The following CPQ variants were observed in gnomAD, a reference collection of about 807,000 sequenced individuals.
The protein encoded by CPQ is carboxypeptidase Q.
Under a neutral mutation model 45.7 loss-of-function variants are expected in CPQ, and 37 were observed. That is an observed-to-expected ratio of 0.81 (90% CI 0.62 to 1.07). CPQ has a LOEUF of 1.07. Among genes scored for constraint, CPQ ranks in the 50% least tolerant of loss-of-function variants. The probability of loss-of-function intolerance (pLI) is 0.00; values close to 1 mark genes in which losing one functional copy is unlikely to be tolerated. For synonymous variants in CPQ, 186 were observed against 205.8 expected (o/e 0.90, Z 0.82); for missense variants, 537 against 572.9 (o/e 0.94, Z 0.64).
chr8:96,785,360 AT>A, intron 2 of CPQ, 30 bp downstream of exon 2: 2 of 1,523,008 alleles, frequency 1.3e-6, no homozygotes, highest in Non-Finnish European at 1.8e-6. Flanking sequence ...TTTGATTTGT[AT>A]TTTATAAAAC....
At chr8:96,918,122 G>C (rs922750516) in intron 4 of CPQ, among the ~76,000 whole-genome samples, 1 of 152,066 alleles carries the variant, frequency 6.6e-6, no homozygotes, top group African/African-American at 2.4e-5. Flanking sequence ...GTGCTGATAG[G>C]CTTATAATAA....
intron 1 of CPQ, among the ~76,000 whole-genome samples, chr8:96,734,373 C>T (rs1305976086): frequency 1.3e-5 from 2 of 152,152 alleles, no homozygotes; most frequent in African/African-American, 4.8e-5. Context: ...ATGTTGCAAC[C>T]TGTTTTGTGA....
At chr8:96,919,770 T>G (rs1812783167) in intron 4 of CPQ, among the ~76,000 whole-genome samples, 1 of 152,174 alleles carries the variant, frequency 6.6e-6, no homozygotes, top group Non-Finnish European at 1.5e-5. Flanking sequence ...CTGTGCAGAT[T>G]TGCTGTGACT....
chr8:96,791,708 T>C (rs2130814829), intron 2 of CPQ, among the ~76,000 whole-genome samples: 1 of 152,292 alleles, frequency 6.6e-6, no homozygotes, highest in Non-Finnish European at 1.5e-5. Flanking sequence ...CAGTGTAAAG[T>C]TGGCGTAACA....
intron 3 of CPQ, 133 bp downstream of exon 3, chr8:96,835,313 A>C (rs1811516244): frequency 3.2e-6 from 2 of 615,982 alleles, no homozygotes; most frequent in Non-Finnish European, 5.0e-6. Flanking sequence ...CCAAACACAC[A>C]CACCCATTCC....
chr8:97,045,138 A>G (rs1810216820), intron 6 of CPQ, among the ~76,000 whole-genome samples: 1 of 152,174 alleles, frequency 6.6e-6, no homozygotes, highest in African/African-American at 2.4e-5. Flanking sequence ...GGTGGGCTCC[A>G]CCCAGTTCGA....
intron 7 of CPQ, among the ~76,000 whole-genome samples, chr8:97,069,415 G>C (rs1237936198): frequency 1.3e-5 from 2 of 150,614 alleles, no homozygotes; most frequent in Non-Finnish European, 2.9e-5. Flanking sequence ...AGAATTGCTT[G>C]AGGCCAGGAG....
chr8:96,878,402 T>G (rs768807175), intron 3 of CPQ, among the ~76,000 whole-genome samples: 1 of 152,216 alleles, frequency 6.6e-6, no homozygotes, highest in Non-Finnish European at 1.5e-5. Flanking sequence ...GAGTGATTAA[T>G]GTGTTTGAGG....
intron 4 of CPQ, among the ~76,000 whole-genome samples, chr8:96,884,343 A>G (rs939347742): frequency 1.3e-5 from 2 of 151,708 alleles, no homozygotes; most frequent in African/African-American, 4.8e-5. Flanking sequence ...TTTCCCCCCG[A>G]TTTTTTTTCT....
intron 7 of CPQ, among the ~76,000 whole-genome samples, chr8:97,139,058 G>A (rs1198432984): frequency 6.6e-6 from 1 of 152,062 alleles, no homozygotes; most frequent in East Asian, 1.9e-4. Flanking sequence ...ATAGAGAAAG[G>A]CTGCCAGTAA....
At chr8:96,855,623 A>T (rs1462054368) in intron 3 of CPQ, among the ~76,000 whole-genome samples, 1 of 152,226 alleles carries the variant, frequency 6.6e-6, no homozygotes, top group Non-Finnish European at 1.5e-5. Flanking sequence ...ACGAAAATGT[A>T]TCAGGCCTAC....
chr8:96,875,535 C>A (rs113630623), intron 3 of CPQ, among the ~76,000 whole-genome samples: 48 of 151,906 alleles, frequency 3.2e-4, no homozygotes, highest in African/African-American at 9.6e-4. Context: ...TGCCTAGAAC[C>A]ATTTGTTGAA....
chr8:97,021,349 C>G (rs1809677800), intron 5 of CPQ, among the ~76,000 whole-genome samples: 1 of 152,148 alleles, frequency 6.6e-6, no homozygotes, highest in Admixed American at 6.5e-5. Flanking sequence ...TCCTCTTCAA[C>G]ATAGAACTGG....
chr8:97,068,928 G>A (rs1299751960), intron 7 of CPQ, among the ~76,000 whole-genome samples: 1 of 152,178 alleles, frequency 6.6e-6, no homozygotes, highest in Non-Finnish European at 1.5e-5. Flanking sequence ...TGAGGGGTCT[G>A]GAATGCTGAG....
chr8:96,988,378 C>T (rs1273146221), intron 5 of CPQ, among the ~76,000 whole-genome samples: 3 of 152,178 alleles, frequency 2.0e-5, no homozygotes, highest in Non-Finnish European at 2.9e-5. Flanking sequence ...CTTTCTACTA[C>T]ATACATATTC....
chr8:96,655,837 C>T (rs867333169), intron 1 of CPQ, among the ~76,000 whole-genome samples: 4 of 152,042 alleles, frequency 2.6e-5, no homozygotes, highest in Admixed American at 1.3e-4. Context: ...AATTGGGGAC[C>T]GTCTATATTT....
At chr8:96,805,528 G>A (rs541541323) in intron 2 of CPQ, among the ~76,000 whole-genome samples, 121 of 152,212 alleles carry the variant, frequency 7.9e-4, no homozygotes, top group African/African-American at 2.8e-3. Context: ...TGCATTTACC[G>A]CACTCAGAGC....
At chr8:96,933,539 G>A (rs1452089971) in intron 4 of CPQ, among the ~76,000 whole-genome samples, 4 of 152,136 alleles carry the variant, frequency 2.6e-5, no homozygotes, top group Non-Finnish European at 5.9e-5. Flanking sequence ...GAGACTGAAC[G>A]CTGGTGTTTC....
intron 1 of CPQ, among the ~76,000 whole-genome samples, chr8:96,727,822 T>A (rs896068547): frequency 4.6e-5 from 7 of 152,194 alleles, no homozygotes; most frequent in Non-Finnish European, 7.3e-5. Flanking sequence ...CTTATGGGGT[T>A]GCTCCCAGGA....
Sources: allele counts gnomAD v4.1 joint callset (sites outside exome capture counted in the v4.1 genomes callset), GRCh38; gene constraint gnomAD v4.1.1; transcripts MANE v1.5; gene names NCBI Gene and HGNC (gene_info 2026-07-23, HGNC 2026-07-21).